EFCAB12: variants seen among roughly 807,000 people sequenced by gnomAD.
EFCAB12 encodes EF-hand calcium binding domain 12.
EFCAB12 carries 43 observed loss-of-function variants against 53.6 expected under a neutral mutation model. The ratio of observed to expected loss-of-function variants is 0.80; its 90% CI spans 0.63 to 1.03. The LOEUF is 1.03. Ranked by LOEUF, EFCAB12 falls within the 50% of genes least tolerant of loss-of-function variation. EFCAB12 has a pLI of 0.00. For missense variants in EFCAB12, 646 were observed against 730.6 expected (o/e 0.88, Z 1.34); for synonymous variants, 269 against 289.2 (o/e 0.93, Z 0.71).
At chr3:129,408,104 G>A (rs1286533498) in intron 6 of EFCAB12, among the ~76,000 whole-genome samples, 5 of 152,196 alleles carry the variant, frequency 3.3e-5, no homozygotes, top group Admixed American at 3.3e-4. Flanking sequence ...GGAAGAAGCA[G>A]TGTGGAAATC....
rs760046934 is a variant in EFCAB12 at position 129,404,419 on chromosome 3, GA to G, written c.1250-17del. On this transcript the variant is annotated splice_polypyrimidine_tract_variant and intron_variant, in intron 6 of 8. Transcript: ENST00000505956. ...TACAGCAAGGCTGTGGACAGCAAGA[GA>G]AACATCTGCACCCATCAACCCAGAC... is the stretch of plus-strand genomic sequence containing the variant. The G allele has an allele frequency of 6.2e-7, 1 of 1,609,816 alleles. No homozygotes were observed. Among genetic ancestry groups the G allele is most frequent in the East Asian group, 2.2e-5 (1 of 44,798 alleles).
chr3:129,422,255 C>CATA (rs1162755372), intron 1 of EFCAB12, among the ~76,000 whole-genome samples: 8 of 152,190 alleles, frequency 5.3e-5, no homozygotes, highest in Non-Finnish European at 1.2e-4. Flanking sequence ...GTAAAATGGG[C>CATA]ATAATGATGG....
chr3:129,402,850 C>T, intron 7 of EFCAB12: 1 of 446,026 alleles, frequency 2.2e-6, no homozygotes. Context: ...TTGGTTTTCT[C>T]ATGGTCCAGA....
chr3:129,404,209 C>A lies in EFCAB12; in HGVS notation c.1403+41G>T, dbSNP rs754421643. ...CCACACTGAAGGGATAGCAATGGAG[C>A]AGGAGGCCAAGGCAGGGAGAAAGGG... On this transcript the variant is annotated intron_variant, in intron 7 of 8. Coordinates refer to ENST00000505956, the MANE Select transcript of EFCAB12 (RefSeq NM_207307.3). 2.5e-6 allele frequency: 4 copies of A among 1,592,298 alleles called. No homozygotes were observed. The African/African-American group carries it at 5.4e-5, about 21-fold the overall frequency.
At chr3:129,426,466 G>A (rs1003510048) in intron 1 of EFCAB12, among the ~76,000 whole-genome samples, 1 of 143,120 alleles carries the variant, frequency 7.0e-6, no homozygotes, top group African/African-American at 2.6e-5. Flanking sequence ...CCGGGTTCAC[G>A]CCATTCTCCT....
chr3:129,425,332 C>T (rs1041071623), intron 1 of EFCAB12, among the ~76,000 whole-genome samples: 8 of 152,094 alleles, frequency 5.3e-5, no homozygotes, highest in South Asian at 2.1e-4. Flanking sequence ...TAAATACCCG[C>T]CTCCTTCTGT....
At position 129,421,615 on chromosome 3, in the gene EFCAB12, G is replaced by A. The variant is rs200277744; in HGVS notation, c.238C>T (p.Pro80Ser). Residue 80 changes from proline (P) to serine (S), a missense_variant, in exon 2 of 9, where the codon CCC becomes TCC. Coordinates refer to ENST00000505956, the MANE Select transcript of EFCAB12 (RefSeq NM_207307.3). ...PLNPASQPQA[P>S]PKPIPSFKVL... ...TTGAAGCTGGGGATGGGCTTTGGGG[G>A]AGCCTGAGGTTGGGATGCAGGATTA... The A allele has an allele frequency of 1.9e-6, 3 of 1,613,886 alleles. No individual in the cohort carries two copies. The highest frequency in any genetic ancestry group is 2.7e-5 in the African/African-American group (2 of 74,926).
intron 3 of EFCAB12, 36 bp downstream of exon 3, chr3:129,418,218 A>C (rs750298131): frequency 1.3e-6 from 2 of 1,571,736 alleles, no homozygotes; most frequent in Non-Finnish European, 1.7e-6. Flanking sequence ...CATCCTGCCC[A>C]CTTAGGCCCA....
intron 2 of EFCAB12, among the ~76,000 whole-genome samples, chr3:129,418,686 T>G (rs1395483180): frequency 6.6e-6 from 1 of 152,168 alleles, no homozygotes; most frequent in Non-Finnish European, 1.5e-5. Context: ...ATATAGGAAC[T>G]AAAATTTCAT....
At chr3:129,428,330 C>T in intron 1 of EFCAB12, 110 bp downstream of exon 1, 1 of 1,448,148 alleles carries the variant, frequency 6.9e-7, no homozygotes, top group Non-Finnish European at 9.5e-7. Context: ...CAACCCTTCA[C>T]CCAGAGGGGG....
chr3:129,408,289 C>T (rs188491360), intron 6 of EFCAB12, among the ~76,000 whole-genome samples: 3 of 152,336 alleles, frequency 2.0e-5, no homozygotes, highest in Admixed American at 2.0e-4. Context: ...AATATTGCAA[C>T]TCTTCCTTTA....
chr3:129,406,311 C>T (rs2071950117), intron 6 of EFCAB12, among the ~76,000 whole-genome samples: 1 of 152,182 alleles, frequency 6.6e-6, no homozygotes, highest in Admixed American at 6.5e-5. Context: ...TCTGCCCTCC[C>T]AACCCAGGTA....
In EFCAB12 at chr3:129,418,436, TG is replaced by T. The variant is rs1430559271; in HGVS notation, c.498del (p.Arg167GlyfsTer59). ...ATTRTTRKKA[P>X]RLSRLSRQMV... ...ATCTGGCGGGACAGCCGGGAGAGCC[TG>T]GGGGCTTTCTTCTGGAAGAGGTGAG... On this transcript the variant is annotated frameshift_variant, in exon 3 of 9. Coordinates refer to ENST00000505956, the MANE Select transcript of EFCAB12 (RefSeq NM_207307.3). LOFTEE classifies it high-confidence loss of function. 1.9e-6 allele frequency: 3 copies of T among 1,607,000 alleles called. No individual in the cohort carries two copies. Among genetic ancestry groups the T allele is most frequent in the Non-Finnish European group, 2.5e-6 (3 of 1,176,670 alleles).
intron 6 of EFCAB12, among the ~76,000 whole-genome samples, 195 bp downstream of exon 6, chr3:129,408,449 GA>G (rs1169179429): frequency 6.6e-6 from 1 of 152,118 alleles, no homozygotes; most frequent in Non-Finnish European, 1.5e-5. Flanking sequence ...TTGTGTTCTA[GA>G]AATCCCATCT....
At chr3:129,418,570 CA>C (rs1418576076) in intron 2 of EFCAB12, 122 bp from the exon 3 acceptor site, 1 of 855,446 alleles carries the variant, frequency 1.2e-6, no homozygotes, top group East Asian at 2.9e-5. Flanking sequence ...GGATAGAGTA[CA>C]AAGGGCACTG....
At chr3:129,422,222 TC>T (rs1182338887) in intron 1 of EFCAB12, among the ~76,000 whole-genome samples, 8 of 152,130 alleles carry the variant, frequency 5.3e-5, no homozygotes, top group Non-Finnish European at 1.2e-4. Flanking sequence ...CCACCTAACT[TC>T]TCTGTCTCAA....
Position 129,418,576 on chromosome 3 carries a change from G to A in EFCAB12, c.487-128C>T, listed in dbSNP as rs564106828. 12 of 796,030 alleles carry A rather than the reference G, an allele frequency of 1.5e-5. No homozygotes were observed. The African/African-American group carries it at 2.1e-4, about 14-fold the overall frequency. 49.3% of individuals were successfully genotyped at this position (796,030 alleles called of 1,614,324 possible). ...TAAATAGCAGGATAGAGTACAAAGG[G>A]CACTGGGTTCAGGGCAACTGTGTTT... On this transcript the variant is annotated intron_variant, in intron 2 of 8. Coordinates refer to ENST00000505956, the MANE Select transcript of EFCAB12 (RefSeq NM_207307.3).
chr3:129,407,888 TGGGCGACA>T (rs1338984874), intron 6 of EFCAB12, among the ~76,000 whole-genome samples: 8 of 152,338 alleles, frequency 5.3e-5, no homozygotes, highest in Non-Finnish European at 8.8e-5. Flanking sequence ...CACTCTAGCC[TGGGCGACA>T]GAGTGAGACT....
rs767725044 is a variant in EFCAB12, at chr3:129,408,805, C to T, written c.1089G>A (p.Gly363=). 6.3e-6 allele frequency: 10 copies of T among 1,577,704 alleles called. No individual in the cohort carries two copies. The African/African-American group carries it at 9.4e-5, about 15-fold the overall frequency. The change falls in exon 6 of 9, where the codon GGG becomes GGA. Residue 363 remains glycine (G), a synonymous_variant. Transcript: ENST00000505956. ...YTEQCHLVRC[G]NRHFDEHCLP... The stretch of plus-strand genomic sequence containing the variant: ...GGCAGTGCTCATCAAAGTGCCGATT[C>T]CCACAGCGCACCAGGTGACATTGCT...
Sources: allele counts gnomAD v4.1 joint callset (sites outside exome capture counted in the v4.1 genomes callset), GRCh38; gene constraint gnomAD v4.1.1; transcripts MANE v1.5; gene names NCBI Gene and HGNC (gene_info 2026-07-23, HGNC 2026-07-21).